MAPKAP1: variants seen among roughly 807,000 people sequenced by gnomAD.
MAPKAP1 encodes the protein MAPK associated protein 1.
In MAPKAP1, 20 loss-of-function variants were observed where a neutral mutation model predicts 65.7. That is an observed-to-expected ratio of 0.30 (90% confidence interval 0.21 to 0.44). MAPKAP1 has a LOEUF of 0.44. Among genes scored for constraint, MAPKAP1 ranks in the 20% least tolerant of loss-of-function variants. The pLI is 1.00. For missense variants in MAPKAP1, 423 were observed against 648.0 expected (o/e 0.65, Z 3.77); for synonymous variants, 222 against 244.3 (o/e 0.91, Z 0.85).
chr9:125,663,923 T>A (rs1237994300), intron 3 of MAPKAP1, among the ~76,000 whole-genome samples: 1 of 152,196 alleles, frequency 6.6e-6, no homozygotes, highest in African/African-American at 2.4e-5. Context: ...AATTTAATTA[T>A]CATCAGCTTT....
intron 1 of MAPKAP1, among the ~76,000 whole-genome samples, chr9:125,685,481 T>C (rs1588073469): frequency 6.6e-6 from 1 of 152,206 alleles, no homozygotes; most frequent in South Asian, 2.1e-4. Context: ...GGTGAGTCTG[T>C]AGGGCCTTAC....
intron 5 of MAPKAP1, among the ~76,000 whole-genome samples, chr9:125,583,496 A>G (rs1831685001): frequency 1.3e-5 from 2 of 152,270 alleles, no homozygotes. Context: ...GTACAAACTC[A>G]ATAAATATTT....
rs1001699953 is a variant in MAPKAP1, at chr9:125,506,365, C to T, written c.1011G>A (p.Leu337=). 6.8e-6 allele frequency: 11 copies of T among 1,613,978 alleles called. No individual in the cohort carries two copies. The highest frequency in any genetic ancestry group is 9.3e-6 in the Non-Finnish European group (11 of 1,180,018). Residue 337 remains leucine (L), a synonymous_variant, in exon 8 of 12, where the codon CTG becomes CTA. Transcript: ENST00000265960. ...CGCTCTGGCTCTCCAAAGTGCTGTC[C>T]AGGTCAACGGCGACATTGGGCTCGC... is the stretch of plus-strand genomic sequence containing the variant. ...KQSEPNVAVD[L]DSTLESQSAW...
chr9:125,610,965 A>G (rs1242845891), intron 4 of MAPKAP1, among the ~76,000 whole-genome samples: 5 of 152,270 alleles, frequency 3.3e-5, no homozygotes, highest in Non-Finnish European at 5.9e-5. Flanking sequence ...AGTTAACAGT[A>G]TGATCAGAAG....
intron 4 of MAPKAP1, among the ~76,000 whole-genome samples, chr9:125,625,486 C>T (rs971997715): frequency 6.6e-6 from 1 of 152,060 alleles, no homozygotes; most frequent in African/African-American, 2.4e-5. Flanking sequence ...TTAACAAAAG[C>T]CATGTTCAAT....
chr9:125,487,633 A>C (rs1013598909), intron 8 of MAPKAP1, among the ~76,000 whole-genome samples: 2 of 150,836 alleles, frequency 1.3e-5, no homozygotes, highest in Non-Finnish European at 1.5e-5. Context: ...AAAAAAAAAA[A>C]CCCACACTTA....
intron 8 of MAPKAP1, among the ~76,000 whole-genome samples, chr9:125,486,596 C>T (rs992398486): frequency 6.6e-6 from 1 of 152,204 alleles, no homozygotes; most frequent in South Asian, 2.1e-4. Context: ...GTGTCTGATG[C>T]TTTCACAGTG....
intron 8 of MAPKAP1, among the ~76,000 whole-genome samples, chr9:125,503,703 T>C (rs755256146): frequency 6.6e-6 from 1 of 151,764 alleles, no homozygotes; most frequent in Admixed American, 6.6e-5. Context: ...CTCTTTAAGA[T>C]AATTTCTTTT....
At chr9:125,512,453 C>T (rs1009176128) in intron 7 of MAPKAP1, among the ~76,000 whole-genome samples, 5 of 152,198 alleles carry the variant, frequency 3.3e-5, no homozygotes, top group Non-Finnish European at 7.3e-5. Flanking sequence ...ACTAAATGTT[C>T]GTGTGACTAT....
At position 125,625,991 on chromosome 9, in the gene MAPKAP1, T is replaced by C. The variant is rs193183986; in HGVS notation, c.498+31660A>G. Among the ~76,000 whole-genome samples the C allele has an allele frequency of 4.6e-5, 7 of 152,310 alleles. No individual in the cohort carries two copies. The East Asian group carries it at 1.2e-3, about 25-fold the overall frequency. On this transcript the variant is annotated intron_variant, in intron 4 of 11. Coordinates refer to ENST00000265960, the MANE Select transcript of MAPKAP1 (RefSeq NM_001006617.3). ...AACTACTGAAGTCATACTTAAGGTG[T>C]AGTATGAAGCAAAATATAAAAAGTC...
chr9:125,698,316 T>C (rs796993595), intron 1 of MAPKAP1, among the ~76,000 whole-genome samples: 2 of 86,640 alleles, frequency 2.3e-5, no homozygotes, highest in Non-Finnish European at 4.2e-5. Context: ...TATATATATA[T>C]ATATATATAT....
Position 125,523,780 on chromosome 9 carries a change from C to T in MAPKAP1, c.959-17363G>A, listed in dbSNP as rs984904360. On this transcript the variant is annotated intron_variant, in intron 7 of 11. Transcript: ENST00000265960. ...CCTGGATAAGCTGTGGCTCTTGGTA[C>T]GGCCACCCCCAGGTGCTGAGCATCA... Among the ~76,000 whole-genome samples, 5 of 152,172 alleles carry T rather than the reference C, an allele frequency of 3.3e-5. No individual in the cohort carries two copies. The South Asian group carries it at 6.2e-4, about 19-fold the overall frequency.
chr9:125,555,323 A>G lies in MAPKAP1; in HGVS notation c.848+4310T>C, dbSNP rs183361440. Among the ~76,000 whole-genome samples the G allele has an allele frequency of 5.3e-5, 8 of 152,380 alleles. No individual in the cohort carries two copies. In the East Asian group the frequency reaches 1.5e-3, roughly 29 times the overall value. ...CCATGAGATAGTTACTGTTACCCAA[A>G]TTTTAAAGATGAAGAAACTGAGACT... On this transcript the variant is annotated intron_variant, in intron 6 of 11. Coordinates refer to ENST00000265960, the MANE Select transcript of MAPKAP1 (RefSeq NM_001006617.3).
In MAPKAP1 at chr9:125,668,389, C is replaced by A. The variant is rs139260887; in HGVS notation, c.349+1429G>T. ...TGCATGTAAAGTACCTAGTAGAGCA[C>A]GAGGTAGAGGCTGCTATTAGTATAA... On this transcript the variant is annotated intron_variant, in intron 3 of 11. Coordinates refer to ENST00000265960, the MANE Select transcript of MAPKAP1 (RefSeq NM_001006617.3). 2.2e-3 allele frequency among the ~76,000 whole-genome samples: 338 copies of A among 152,256 alleles called. 1 individual carries two copies. Among genetic ancestry groups the A allele is most frequent in the African/African-American group, 7.7e-3 (322 of 41,558 alleles).
intron 1 of MAPKAP1, among the ~76,000 whole-genome samples, chr9:125,698,325 ATATATATATAT>A (rs1564622600): frequency 7.3e-5 from 7 of 95,602 alleles, no homozygotes; most frequent in Admixed American, 3.5e-4. Context: ...ATATATATAT[ATATATATATAT>A]AAAATATATA....
intron 4 of MAPKAP1, among the ~76,000 whole-genome samples, chr9:125,633,945 T>C (rs774407100): frequency 2.6e-5 from 4 of 152,244 alleles, no homozygotes; most frequent in Non-Finnish European, 5.9e-5. Flanking sequence ...GGTGAAAGCA[T>C]TCTGACATTA....
chr9:125,607,575 C>T (rs955732903), intron 4 of MAPKAP1, among the ~76,000 whole-genome samples: 6 of 152,236 alleles, frequency 3.9e-5, no homozygotes, highest in African/African-American at 1.4e-4. Context: ...GGATGTCTAA[C>T]TCCAGAGTCT....
At chr9:125,628,825 G>C (rs1241706272) in intron 4 of MAPKAP1, among the ~76,000 whole-genome samples, 1 of 151,792 alleles carries the variant, frequency 6.6e-6, no homozygotes, top group Non-Finnish European at 1.5e-5. Flanking sequence ...ATCTAATCAG[G>C]GGTCATGTAT....
chr9:125,644,110 A>G (rs1026798042), intron 4 of MAPKAP1, among the ~76,000 whole-genome samples: 2 of 152,222 alleles, frequency 1.3e-5, no homozygotes, highest in African/African-American at 4.8e-5. Flanking sequence ...AGGGGAATGG[A>G]GAGATCAGAA....
Sources: gnomAD v4.1 joint callset for allele counts (sites outside exome capture counted in the v4.1 genomes callset) on GRCh38, gnomAD v4.1.1 for gene constraint, MANE v1.5 for transcripts, NCBI Gene and HGNC (gene_info 2026-07-23, HGNC 2026-07-21) for gene names.